The following ZNF831 variants were observed in gnomAD, a reference collection of about 807,000 sequenced individuals.
ZNF831 encodes the protein chromosome 20 open reading frame 174.
ZNF831 carries 59 observed loss-of-function variants against 95.8 expected under a neutral mutation model. The observed-to-expected ratio is 0.62, with a 90% CI of 0.50 to 0.77. The LOEUF (loss-of-function observed/expected upper bound fraction) is 0.77, where lower values mean the gene tolerates loss of function less well. Ranked by LOEUF, ZNF831 falls within the 30% of genes least tolerant of loss-of-function variation. ZNF831 has a pLI of 0.00. For synonymous variants in ZNF831, 961 were observed against 925.5 expected (o/e 1.04, Z -0.70); for missense variants, 2,205 against 2,164.0 (o/e 1.02, Z -0.38).
At chr20:59,163,713 C>CTTTTT (rs10708774), upstream of ZNF831, among the ~76,000 whole-genome samples, 1 of 135,796 alleles carries the variant, frequency 7.4e-6, no homozygotes, top group Non-Finnish European at 1.6e-5. Context: ...AGCGGTGGCT[C>CTTTTT]TTTTTTTTTT....
intron 1 of ZNF831, among the ~76,000 whole-genome samples, chr20:59,145,182 C>G (rs774068009): frequency 6.6e-6 from 1 of 152,206 alleles, no homozygotes; most frequent in Non-Finnish European, 1.5e-5. Flanking sequence ...AGATGGTGAA[C>G]TTTGACCGGA....
At chr20:59,167,352 T>C (rs567682786) in intron 1 of ZNF831, among the ~76,000 whole-genome samples, 12 of 152,214 alleles carry the variant, frequency 7.9e-5, no homozygotes, top group Admixed American at 4.6e-4. Flanking sequence ...TTGTCAGATA[T>C]GTTGTTTGTG....
chr20:59,201,915 G>A (rs1358892502), intron 3 of ZNF831, among the ~76,000 whole-genome samples: 1 of 152,166 alleles, frequency 6.6e-6, no homozygotes, highest in African/African-American at 2.4e-5. Context: ...CAGGCTCAAA[G>A]GAAATTCAGC....
At chr20:59,252,493 A>G (rs1160657308) in intron 4 of ZNF831, among the ~76,000 whole-genome samples, 1 of 152,160 alleles carries the variant, frequency 6.6e-6, no homozygotes, top group Non-Finnish European at 1.5e-5. Flanking sequence ...TAACCACCAC[A>G]ACAAAACAAC....
chr20:59,200,215 G>T lies in ZNF831; in HGVS notation c.3875+4210G>T, dbSNP rs551355261. Among the ~76,000 whole-genome samples, 3 of 152,190 alleles carry T rather than the reference G, an allele frequency of 2.0e-5. No individual in the cohort carries two copies. The South Asian group carries it at 6.2e-4, about 32-fold the overall frequency. Reference sequence around the variant, plus strand: ...ATTTGTTCCATTAGGAATCCACAGGGCTATTTTGATTTGTGGATTGGTGTC... The same window carrying T: ...ATTTGTTCCATTAGGAATCCACAGGTCTATTTTGATTTGTGGATTGGTGTC... On this transcript the variant is annotated intron_variant, in intron 3 of 5. Coordinates refer to ENST00000371030, the MANE Select transcript of ZNF831 (RefSeq NM_178457.3).
chr20:59,131,771 G>A (rs920905815), intron 1 of ZNF831, among the ~76,000 whole-genome samples: 5 of 152,170 alleles, frequency 3.3e-5, no homozygotes, highest in Non-Finnish European at 7.3e-5. Context: ...GGCAGGGACC[G>A]CCTTGTGAGC....
chr20:59,148,279 G>A (rs1240284218), intron 2 of ZNF831, among the ~76,000 whole-genome samples: 1 of 152,152 alleles, frequency 6.6e-6, no homozygotes, highest in Non-Finnish European at 1.5e-5. Context: ...TCTCTGTTGA[G>A]GGGGGATATC....
At chr20:59,154,509 G>A (rs1411990137) in intron 2 of ZNF831, among the ~76,000 whole-genome samples, 2 of 152,168 alleles carry the variant, frequency 1.3e-5, no homozygotes, top group East Asian at 3.9e-4. Context: ...AGCAACTCCA[G>A]TGTCCCTCTT....
chr20:59,154,419 C>A (rs562201098), intron 2 of ZNF831, among the ~76,000 whole-genome samples: 2 of 152,314 alleles, frequency 1.3e-5, no homozygotes, highest in East Asian at 3.9e-4. Context: ...TCTGCTCGAA[C>A]CCTGTGAAGC....
Position 59,195,963 on chromosome 20 carries a change from G to A in ZNF831, c.3833G>A (p.Arg1278His), listed in dbSNP as rs566000763. Residue 1278 changes from arginine (R) to histidine (H), a missense_variant, in exon 3 of 6, where the codon CGT becomes CAT. Transcript: ENST00000371030. ...CTGCCTTGGAGGGCAAAGATGTCTC[G>A]TGGGAACAGCAAGCAGAGAAAACTG... ...KGLPWRAKMS[R>H]GNSKQRKLKI... 100 of 1,614,064 alleles carry A rather than the reference G, an allele frequency of 6.2e-5. No homozygotes were observed. Among genetic ancestry groups the A allele is most frequent in the African/African-American group, 9.3e-5 (7 of 74,936 alleles).
rs568828907 is a variant in ZNF831, at chr20:59,193,541, C to T, written c.2522C>T (p.Ala841Val). 36 of 1,605,088 alleles carry T rather than the reference C, an allele frequency of 2.2e-5. No individual in the cohort carries two copies. The Admixed American group carries it at 4.8e-4, about 21-fold the overall frequency. ...HSWKQPEPVS[A>V]ETPGGPTQPA... ...TGGAAGCAACCAGAGCCTGTGAGCG[C>T]AGAGACCCCAGGTGGGCCCACGCAG... The change falls in exon 2 of 6, where the codon GCA becomes GTA. Residue 841 changes from alanine (A) to valine (V), a missense_variant. Coordinates refer to ENST00000371030, the MANE Select transcript of ZNF831 (RefSeq NM_178457.3).
At chr20:59,237,437 C>T (rs1987061884) in intron 4 of ZNF831, among the ~76,000 whole-genome samples, 1 of 152,132 alleles carries the variant, frequency 6.6e-6, no homozygotes, top group Non-Finnish European at 1.5e-5. Flanking sequence ...ACCTCTGCCT[C>T]CCAGGTTCAA....
chr20:59,188,656 C>CAATA (rs57692294), intron 1 of ZNF831, among the ~76,000 whole-genome samples: 27,801 of 149,232 alleles, frequency 0.19, 2,771 homozygotes, highest in East Asian at 0.26. Context: ...GACTCCATCT[C>CAATA]AATAAATAAA....
intron 3 of ZNF831, among the ~76,000 whole-genome samples, chr20:59,204,587 T>C (rs772379091): frequency 6.6e-5 from 10 of 152,208 alleles, no homozygotes; most frequent in Non-Finnish European, 1.5e-4. Flanking sequence ...ACGTCAGATC[T>C]CATAGTTTCG....
rs1988298691 is a variant in ZNF831, at chr20:59,258,939, G to A, written c.*4196G>A. On this transcript the variant is annotated 3_prime_UTR_variant, in exon 6 of 6. Coordinates refer to ENST00000371030, the MANE Select transcript of ZNF831 (RefSeq NM_178457.3). ...GGAAAAACATCAGCCTCTGCCACTT[G>A]GAGCACTAGAGGATGACGGAATGTC... The A allele has an allele frequency of 6.6e-6, 1 of 152,182 alleles. No homozygotes were observed. The allele number at this position is 152,182 out of a possible 1,614,324, so 9.4% of individuals were successfully genotyped here. A position where few individuals can be genotyped will look rare whatever the true frequency, so the allele number is the denominator to read the frequency against.
Position 59,191,673 on chromosome 20 carries a change from C to G in ZNF831, c.654C>G (p.Asp218Glu), listed in dbSNP as rs765839282. The change falls in exon 2 of 6, where the codon GAC (aspartate) becomes GAG (glutamate). Residue 218 changes from aspartate to glutamate, a missense_variant. Asp to Glu is a conservative substitution (Grantham distance 45). Coordinates refer to ENST00000371030, the MANE Select transcript of ZNF831 (RefSeq NM_178457.3). ...GGGGCGGCCTCCTGGAGGAAGGGGA[C>G]AAGGCCGGAGAGCCCCCCAGACCAG... ...GAGGGLLEEG[D>E]KAGEPPRPEG... 3.2e-6 allele frequency: 5 copies of G among 1,559,536 alleles called. No homozygotes were observed. Among genetic ancestry groups the G allele is most frequent in the Non-Finnish European group, 4.3e-6 (5 of 1,152,990 alleles).
chr20:59,204,431 C>G (rs901649163), intron 3 of ZNF831, among the ~76,000 whole-genome samples: 4 of 152,096 alleles, frequency 2.6e-5, no homozygotes, highest in Non-Finnish European at 4.4e-5. Flanking sequence ...GACTCTTTGT[C>G]ACGTTGGCCA....
At chr20:59,250,100 T>TCCGTTTCTACTTCTC (rs1264476620) in intron 4 of ZNF831, among the ~76,000 whole-genome samples, 1 of 152,176 alleles carries the variant, frequency 6.6e-6, no homozygotes, top group Non-Finnish European at 1.5e-5. Context: ...TCATTCCCAC[T>TCCGTTTCTACTTCTC]CCGTTTCTAC....
chr20:59,143,926 T>G (rs1444608257), intron 1 of ZNF831, among the ~76,000 whole-genome samples: 2 of 152,194 alleles, frequency 1.3e-5, no homozygotes, highest in African/African-American at 2.4e-5. Context: ...TTAAAGCCAC[T>G]TTAATGGATT....
Sources: allele counts gnomAD v4.1 joint callset (sites outside exome capture counted in the v4.1 genomes callset), GRCh38; gene constraint gnomAD v4.1.1; transcripts MANE v1.5; gene names NCBI Gene and HGNC (gene_info 2026-07-23, HGNC 2026-07-21).